AMMECR1: variants seen among roughly 807,000 people sequenced by gnomAD.
AMMECR1 encodes AMMECR nuclear protein 1.
A neutral mutation model predicts 22.5 loss-of-function variants in AMMECR1; 3 were observed. The observed-to-expected ratio is 0.13, with a 90% CI of 0.06 to 0.35. The LOEUF is 0.35. Among genes scored for constraint, AMMECR1 ranks in the 10% least tolerant of loss-of-function variants. The pLI, the probability that AMMECR1 is intolerant of heterozygous loss-of-function variation, is 1.00. For missense variants in AMMECR1, 235 were observed against 278.7 expected, an observed-to-expected ratio of 0.84 and a Z score of 1.12; for synonymous variants, 130 against 116.7, an observed-to-expected ratio of 1.11 and a Z score of -0.74.
rs762913982 is a variant in AMMECR1 at position 110,396,284 on chromosome X, C to G, written c.-148+30374G>C. On this transcript the variant is annotated intron_variant, in intron 2 of 7. Coordinates refer to the AMMECR1 transcript ENST00000372057. ...TAAAAAATATAGTATAATGAACCCC[C>G]AAGTATCCATCACCCAGATTCAACA... Among the ~76,000 whole-genome samples the G allele has an allele frequency of 1.5e-4, 17 of 111,687 alleles. 1 individual carries two copies. In the South Asian group the frequency reaches 6.5e-3, roughly 43 times the overall value.
At position 110,196,413 on chromosome X, in the gene AMMECR1, TG is replaced by T. The variant is rs2067371616; in HGVS notation, c.*2106del. ...TTTTTTGTTTTGTTTTTTTTTTGTTTGTTTTTTTTTGCAGCAGACAATATCA... is the reference window on the plus strand; with the variant it reads ...TTTTTTGTTTTGTTTTTTTTTTGTTTTTTTTTTTTGCAGCAGACAATATCA... On this transcript the variant is annotated 3_prime_UTR_variant, in exon 6 of 6. Transcript: ENST00000262844. The T allele has an allele frequency of 1.8e-5, 2 of 109,429 alleles. No homozygotes were observed. Among genetic ancestry groups the T allele is most frequent in the Admixed American group, 2.0e-4 (2 of 10,217 alleles). 9.0% of individuals were successfully genotyped at this position (109,429 alleles called of 1,213,427 possible). A position where few individuals can be genotyped will look rare whatever the true frequency, so the allele number is the denominator to read the frequency against.
intron 1 of AMMECR1, among the ~76,000 whole-genome samples, chrX:110,270,564 T>G (rs2067793532): frequency 1.8e-5 from 2 of 111,924 alleles, no homozygotes; most frequent in African/African-American, 6.5e-5. Flanking sequence ...CTATGAATAC[T>G]ACATAGCACC....
intron 1 of AMMECR1, among the ~76,000 whole-genome samples, chrX:110,433,693 G>A (rs1463342900): frequency 9.0e-6 from 1 of 111,549 alleles, no homozygotes; most frequent in African/African-American, 3.3e-5. Flanking sequence ...AAAGAGCTTA[G>A]GACAGTGACA....
intron 2 of AMMECR1, among the ~76,000 whole-genome samples, chrX:110,327,257 G>A (rs774884806): frequency 3.6e-5 from 4 of 111,352 alleles, no homozygotes; most frequent in Admixed American, 2.9e-4. Context: ...GGAATATAAA[G>A]AAAAAAGAGA....
intron 2 of AMMECR1, among the ~76,000 whole-genome samples, chrX:110,238,064 A>G (rs1487754908): frequency 8.9e-6 from 1 of 111,873 alleles, no homozygotes; most frequent in African/African-American, 3.3e-5. Context: ...TAACATCATA[A>G]TTACAAATCT....
chrX:110,296,232 C>T (rs1423556951), intron 1 of AMMECR1, among the ~76,000 whole-genome samples: 1 of 111,956 alleles, frequency 8.9e-6, no homozygotes, highest in Non-Finnish European at 1.9e-5. Context: ...TATGTCATCC[C>T]ACTGCCCTTC....
chrX:110,213,335 A>G (rs1381266349), intron 3 of AMMECR1, among the ~76,000 whole-genome samples: 1 of 112,058 alleles, frequency 8.9e-6, no homozygotes, highest in African/African-American at 3.2e-5. Flanking sequence ...CTCATTCTGG[A>G]TATCTCACAT....
chrX:110,318,302 A>G (rs777060020), upstream of AMMECR1: 2 of 112,813 alleles, frequency 1.8e-5, no homozygotes, highest in African/African-American at 6.6e-5. Flanking sequence ...GTCCCGCCCG[A>G]CTCGTGCCTC....
chrX:110,399,033 A>G (rs1322295328), intron 2 of AMMECR1, among the ~76,000 whole-genome samples: 1 of 112,214 alleles, frequency 8.9e-6, no homozygotes, highest in Non-Finnish European at 1.9e-5. Context: ...GCCGTTTCTC[A>G]GTGAATGTCT....
intron 3 of AMMECR1, among the ~76,000 whole-genome samples, chrX:110,203,574 A>AG (rs1348543831): frequency 2.7e-5 from 3 of 111,515 alleles, no homozygotes; most frequent in Non-Finnish European, 5.7e-5. Flanking sequence ...AATGGTTCCC[A>AG]AGTGGAGGGT....
rs372209527 is a variant in AMMECR1 at position 110,245,341 on chromosome X, A to C, written c.584+19148T>G. On this transcript the variant is annotated intron_variant, in intron 2 of 5. Transcript: ENST00000262844. ...TACCAGATGTTTTGTTGAAATTAAC[A>C]CATTCCTATCAAATGCATATCAAAA... is the stretch of plus-strand genomic sequence containing the variant. Among the ~76,000 whole-genome samples the C allele has an allele frequency of 3.6e-5, 4 of 112,378 alleles. 1 individual carries two copies. The South Asian group carries it at 1.5e-3, about 41-fold the overall frequency.
intron 3 of AMMECR1, among the ~76,000 whole-genome samples, chrX:110,213,101 TGTA>T (rs1271785524): frequency 2.7e-5 from 3 of 112,310 alleles, no homozygotes; most frequent in Non-Finnish European, 5.6e-5. Context: ...CCATTTTTAT[TGTA>T]GTAAAATACA....
chrX:110,257,934 A>G (rs1040824396), intron 2 of AMMECR1, among the ~76,000 whole-genome samples: 1 of 111,557 alleles, frequency 9.0e-6, no homozygotes, highest in African/African-American at 3.3e-5. Context: ...GAGGTATTAA[A>G]CTTTACAGAT....
intron 2 of AMMECR1, among the ~76,000 whole-genome samples, chrX:110,251,917 A>C (rs115494159): frequency 8.9e-6 from 1 of 112,081 alleles, no homozygotes; most frequent in Non-Finnish European, 1.9e-5. Flanking sequence ...AGAAAAAGAA[A>C]AACTGAAATT....
intron 1 of AMMECR1, among the ~76,000 whole-genome samples, chrX:110,436,896 A>G (rs1264232519): frequency 8.9e-6 from 1 of 111,779 alleles, no homozygotes; most frequent in Non-Finnish European, 1.9e-5. Flanking sequence ...AGTGAGCTGT[A>G]CAGGAACCAG....
At chrX:110,315,007 CACA>C (rs1315934683) in intron 1 of AMMECR1, among the ~76,000 whole-genome samples, 1 of 111,011 alleles carries the variant, frequency 9.0e-6, no homozygotes, top group Admixed American at 9.5e-5. Context: ...CTGTCAAAAG[CACA>C]ACATCTGGTG....
intron 2 of AMMECR1, among the ~76,000 whole-genome samples, chrX:110,379,058 A>G (rs1200004832): frequency 1.8e-5 from 2 of 111,686 alleles, no homozygotes; most frequent in Non-Finnish European, 3.8e-5. Context: ...TCACTACTCA[A>G]ATAAAGTTTG....
chrX:110,348,379 G>A (rs1270403929), intron 2 of AMMECR1, among the ~76,000 whole-genome samples: 1 of 111,772 alleles, frequency 8.9e-6, no homozygotes, highest in African/African-American at 3.3e-5. Context: ...GTCTCTTTTT[G>A]ACTAAGTACT....
At chrX:110,329,517 G>A (rs1359234553) in intron 2 of AMMECR1, among the ~76,000 whole-genome samples, 1 of 112,256 alleles carries the variant, frequency 8.9e-6, no homozygotes, top group Non-Finnish European at 1.9e-5. Context: ...GGTGGAGACG[G>A]AAAGCTTGCC....
Sources: gnomAD v4.1 joint callset for allele counts (sites outside exome capture counted in the v4.1 genomes callset) on GRCh38, gnomAD v4.1.1 for gene constraint, MANE v1.5 for transcripts, NCBI Gene and HGNC (gene_info 2026-07-23, HGNC 2026-07-21) for gene names.